APBA1: variants seen among roughly 807,000 people sequenced by gnomAD.
The protein encoded by APBA1 is amyloid-beta A4 precursor protein-binding family A member 1.
In APBA1, 55 loss-of-function variants were observed where a neutral mutation model predicts 86.6. That is an observed-to-expected ratio of 0.64 (90% CI 0.51 to 0.80). The LOEUF (loss-of-function observed/expected upper bound fraction) is 0.80. Among genes scored for constraint, APBA1 ranks in the 30% least tolerant of loss-of-function variants. APBA1 has a pLI of 0.00. For missense variants in APBA1, 1,090 were observed against 1,183.0 expected, an observed-to-expected ratio of 0.92 and a Z score of 1.15; for synonymous variants, 511 against 493.9, an observed-to-expected ratio of 1.03 and a Z score of -0.46.
intron 1 of APBA1, among the ~76,000 whole-genome samples, chr9:69,663,480 T>A (rs1316913182): frequency 1.3e-5 from 2 of 152,250 alleles, no homozygotes; most frequent in Non-Finnish European, 2.9e-5. Context: ...AAGCTCGTCC[T>A]CTGCTTTTAA....
intron 1 of APBA1, among the ~76,000 whole-genome samples, chr9:69,634,793 C>A (rs888388259): frequency 6.6e-6 from 1 of 152,184 alleles, no homozygotes; most frequent in African/African-American, 2.4e-5. Context: ...TCAGTGGAAA[C>A]CTCACAGGCC....
intron 1 of APBA1, among the ~76,000 whole-genome samples, chr9:69,595,592 T>G (rs1370373093): frequency 6.6e-6 from 1 of 152,214 alleles, no homozygotes; most frequent in African/African-American, 2.4e-5. Context: ...AACTGTTTCC[T>G]TTTGCATTCA....
intron 1 of APBA1, among the ~76,000 whole-genome samples, chr9:69,572,931 G>T (rs890982071): frequency 6.6e-6 from 1 of 152,132 alleles, no homozygotes; most frequent in Non-Finnish European, 1.5e-5. Flanking sequence ...TCTTTCCTAT[G>T]CAGTCCCTTG....
chr9:69,431,190 G>T lies in APBA1; in HGVS notation c.*137C>A. The T allele has an allele frequency of 4.5e-5, 22 of 488,052 alleles. No homozygotes were observed. The highest frequency in any genetic ancestry group is 8.3e-5 in the East Asian group (2 of 24,072). The allele number at this position is 488,052 out of a possible 1,614,324, so 30.2% of individuals were successfully genotyped here. A position where few individuals can be genotyped will look rare whatever the true frequency, so the allele number is the denominator to read the frequency against. ...AATCGGAGAGAGTAAAGAGGTCCTT[G>T]TGGATTCTTCTCTTCCTGTGTAAAA... On this transcript the variant is annotated 3_prime_UTR_variant, in exon 13 of 13. Coordinates refer to ENST00000265381, the MANE Select transcript of APBA1 (RefSeq NM_001163.4).
chr9:69,645,216 A>T (rs1196546148), intron 1 of APBA1, among the ~76,000 whole-genome samples: 2 of 152,202 alleles, frequency 1.3e-5, no homozygotes, highest in Non-Finnish European at 2.9e-5. Flanking sequence ...TTACCTCCAA[A>T]GCATTTTCAT....
At chr9:69,614,228 TC>T (rs1822651100) in intron 1 of APBA1, among the ~76,000 whole-genome samples, 1 of 152,196 alleles carries the variant, frequency 6.6e-6, no homozygotes, top group African/African-American at 2.4e-5. Context: ...TTGATGGGCT[TC>T]CCCAGCATCA....
At chr9:69,617,641 A>G (rs1822729397) in intron 1 of APBA1, among the ~76,000 whole-genome samples, 1 of 152,128 alleles carries the variant, frequency 6.6e-6, no homozygotes, top group Admixed American at 6.5e-5. Flanking sequence ...TCATGGGGAA[A>G]AAAAACGGGA....
chr9:69,483,152 CGAAACAA>C (rs1835549210), intron 2 of APBA1, among the ~76,000 whole-genome samples: 1 of 133,784 alleles, frequency 7.5e-6, no homozygotes, highest in East Asian at 2.2e-4. Flanking sequence ...AACAAAAAAA[CGAAACAA>C]AAAAAAAAAA....
chr9:69,470,492 T>A (rs1835349984), intron 4 of APBA1, among the ~76,000 whole-genome samples: 1 of 152,170 alleles, frequency 6.6e-6, no homozygotes, highest in Non-Finnish European at 1.5e-5. Flanking sequence ...CTTCCCAGAA[T>A]GCTCTCACAG....
In APBA1 at chr9:69,456,341, C is replaced by T. The variant is rs771955316; in HGVS notation, c.1694G>A (p.Arg565His). 118 of 1,613,976 alleles carry T rather than the reference C, an allele frequency of 7.3e-5. No individual in the cohort carries two copies. Among genetic ancestry groups the T allele is most frequent in the Non-Finnish European group, 8.1e-5 (96 of 1,180,016 alleles). Reference sequence around the variant, plus strand: ...TTCCACGTTCTCCTGGGAGTTGGAGCGAGGCATCCGCCGGCGGGCCATCAG... The same window carrying T: ...TTCCACGTTCTCCTGGGAGTTGGAGTGAGGCATCCGCCGGCGGGCCATCAG... ...VVLMARRRMP[R>H]SNSQENVEAS... The change falls in exon 8 of 13, where the codon CGC becomes CAC. Residue 565 changes from arginine to histidine, a missense_variant. This residue lies in a region of APBA1 where 103 missense variants were observed against 91.9 expected (regional missense o/e 1.12). Coordinates refer to ENST00000265381, the MANE Select transcript of APBA1 (RefSeq NM_001163.4).
chr9:69,588,025 C>CAA (rs35212894), intron 1 of APBA1, among the ~76,000 whole-genome samples: 1,820 of 106,246 alleles, frequency 0.017, 31 homozygotes, highest in African/African-American at 0.028. Context: ...GACTCTGTCT[C>CAA]AAAAAAAAAA....
chr9:69,607,449 A>G (rs76204613), intron 1 of APBA1, among the ~76,000 whole-genome samples: 3 of 152,174 alleles, frequency 2.0e-5, no homozygotes, highest in African/African-American at 7.2e-5. Flanking sequence ...CTACAATTCA[A>G]TACGAGATTT....
At chr9:69,608,162 C>T (rs1159078337) in intron 1 of APBA1, among the ~76,000 whole-genome samples, 1 of 152,098 alleles carries the variant, frequency 6.6e-6, no homozygotes, top group East Asian at 1.9e-4. Context: ...CAGTGGTATT[C>T]CCCCAAGAAC....
chr9:69,654,751 C>T (rs896649110), intron 1 of APBA1, among the ~76,000 whole-genome samples: 1 of 152,136 alleles, frequency 6.6e-6, no homozygotes, highest in Non-Finnish European at 1.5e-5. Context: ...GATACAACGA[C>T]CAAAAAGAAA....
At chr9:69,446,392 G>A (rs1013881227) in intron 10 of APBA1, among the ~76,000 whole-genome samples, 2 of 152,192 alleles carry the variant, frequency 1.3e-5, no homozygotes, top group African/African-American at 2.4e-5. Flanking sequence ...GGGTGGCCAC[G>A]AAAGCACTGC....
intron 1 of APBA1, among the ~76,000 whole-genome samples, chr9:69,634,054 G>C (rs1462902534): frequency 6.6e-6 from 1 of 152,118 alleles, no homozygotes; most frequent in Non-Finnish European, 1.5e-5. Context: ...ACACAATAAA[G>C]CACCTTCATA....
At chr9:69,593,070 T>C (rs996257805) in intron 1 of APBA1, among the ~76,000 whole-genome samples, 1 of 152,236 alleles carries the variant, frequency 6.6e-6, no homozygotes, top group Non-Finnish European at 1.5e-5. Flanking sequence ...AGAGTAATTA[T>C]CACTGTTAGA....
At chr9:69,607,233 G>A (rs1010287510) in intron 1 of APBA1, among the ~76,000 whole-genome samples, 10 of 152,182 alleles carry the variant, frequency 6.6e-5, no homozygotes, top group African/African-American at 2.2e-4. Context: ...AAGGCCTCAC[G>A]GTCATGGCAG....
chr9:69,486,862 CTTCTT>C (rs1166794185), intron 2 of APBA1, among the ~76,000 whole-genome samples: 4 of 104,698 alleles, frequency 3.8e-5, no homozygotes, highest in African/African-American at 1.3e-4. Context: ...TTTTTTTTTT[CTTCTT>C]TTCTTTTTTT....
Sources: gnomAD v4.1 joint callset for allele counts (sites outside exome capture counted in the v4.1 genomes callset) on GRCh38, gnomAD v4.1.1 for gene constraint, gnomAD v4.1.1 regional missense constraint, MANE v1.5 for transcripts, NCBI Gene and HGNC (gene_info 2026-07-23, HGNC 2026-07-21) for gene names.